The following STK32B variants were observed in gnomAD, a reference collection of about 807,000 sequenced individuals.
STK32B encodes serine/threonine kinase 32B, also known as serine/threonine-protein kinase 32B.
A neutral mutation model predicts 52.6 loss-of-function variants in STK32B; 43 were observed. The observed-to-expected ratio is 0.82, with a 90% CI of 0.64 to 1.05. The LOEUF is 1.05. Ranked by LOEUF, STK32B falls within the 50% of genes least tolerant of loss-of-function variation. The pLI is 0.00. For missense variants in STK32B, 621 were observed against 534.6 expected (o/e 1.16, Z -1.59); for synonymous variants, 238 against 204.3 (o/e 1.17, Z -1.41).
intron 3 of STK32B, among the ~76,000 whole-genome samples, chr4:5,312,411 A>G (rs1399453061): frequency 4.0e-5 from 6 of 151,094 alleles, no homozygotes; most frequent in East Asian, 3.9e-4. Context: ...AGCATTAGGT[A>G]TATCTCCTAA....
intron 6 of STK32B, among the ~76,000 whole-genome samples, chr4:5,430,547 G>A (rs1308242824): frequency 1.3e-5 from 2 of 152,126 alleles, no homozygotes; most frequent in African/African-American, 2.4e-5. Context: ...TCATATCTGA[G>A]TATGATTCTG....
chr4:5,454,006 A>G (rs1220206225), intron 7 of STK32B, among the ~76,000 whole-genome samples: 1 of 152,064 alleles, frequency 6.6e-6, no homozygotes, highest in Non-Finnish European at 1.5e-5. Flanking sequence ...AATTATAGAG[A>G]ACTGCCCTTC....
At chr4:5,446,612 A>G (rs1198616009) in intron 6 of STK32B, 61 bp from the exon 7 acceptor site, 4 of 1,432,466 alleles carry the variant, frequency 2.8e-6, no homozygotes, top group Non-Finnish European at 2.9e-6. Context: ...TCCCCTCTCT[A>G]AGGGGTGGTG....
chr4:5,361,589 T>TCCTG (rs1734553673), intron 4 of STK32B, among the ~76,000 whole-genome samples: 1 of 152,210 alleles, frequency 6.6e-6, no homozygotes, highest in South Asian at 2.1e-4. Context: ...GGTCTCAAAC[T>TCCTG]CCTGGGCTGA....
At chr4:5,363,004 A>G (rs112264034) in intron 4 of STK32B, among the ~76,000 whole-genome samples, 2 of 152,212 alleles carry the variant, frequency 1.3e-5, no homozygotes, top group Admixed American at 6.5e-5. Context: ...CAGGAAACAC[A>G]TTGGAGATCT....
chr4:5,466,507 T>G (rs1717445513), intron 9 of STK32B, among the ~76,000 whole-genome samples, 196 bp from the exon 10 acceptor site: 1 of 152,100 alleles, frequency 6.6e-6, no homozygotes, highest in Non-Finnish European at 1.5e-5. Flanking sequence ...GGGGACTATG[T>G]GTAAATATAT....
At chr4:5,480,251 A>G (rs991966854) in intron 11 of STK32B, among the ~76,000 whole-genome samples, 1 of 152,236 alleles carries the variant, frequency 6.6e-6, no homozygotes, top group Non-Finnish European at 1.5e-5. Flanking sequence ...AAATATTTCA[A>G]GAGGTTTATT....
At chr4:5,452,642 G>A (rs1349204076) in intron 7 of STK32B, among the ~76,000 whole-genome samples, 2 of 152,032 alleles carry the variant, frequency 1.3e-5, no homozygotes, top group African/African-American at 4.8e-5. Flanking sequence ...CTGTGTTTGG[G>A]ATTTTGAGTA....
intron 11 of STK32B, among the ~76,000 whole-genome samples, chr4:5,490,467 G>A (rs1244020366): frequency 2.6e-5 from 4 of 152,124 alleles, no homozygotes; most frequent in African/African-American, 9.7e-5. Flanking sequence ...TGACTAGGTT[G>A]CCAATATACT....
chr4:5,242,954 A>G (rs1725148687), intron 3 of STK32B, among the ~76,000 whole-genome samples: 1 of 152,154 alleles, frequency 6.6e-6, no homozygotes, highest in Non-Finnish European at 1.5e-5. Context: ...TTTTGGTACC[A>G]GTTGCATTCT....
intron 1 of STK32B, among the ~76,000 whole-genome samples, chr4:5,074,025 A>G (rs1711930814): frequency 6.6e-6 from 1 of 151,880 alleles, no homozygotes; most frequent in African/African-American, 2.4e-5. Flanking sequence ...ACTTTCAGCC[A>G]ATATTTTTTC....
At chr4:5,321,059 C>G (rs7688953) in intron 3 of STK32B, among the ~76,000 whole-genome samples, 13,580 of 152,050 alleles carry the variant, frequency 0.089, 1,483 homozygotes, top group African/African-American at 0.26. Flanking sequence ...TACAAAAGGG[C>G]TTTGAAGATG....
intron 3 of STK32B, among the ~76,000 whole-genome samples, chr4:5,203,794 G>A (rs1722342206): frequency 6.6e-6 from 1 of 152,100 alleles, no homozygotes; most frequent in South Asian, 2.1e-4. Flanking sequence ...GCTTCGTTAT[G>A]CTTCACCTCC....
chr4:5,275,939 C>G (rs1727791922), intron 3 of STK32B, among the ~76,000 whole-genome samples: 3 of 152,056 alleles, frequency 2.0e-5, no homozygotes, highest in African/African-American at 7.2e-5. Flanking sequence ...AGTAGAGACC[C>G]CAAGTCATCT....
chr4:5,445,486 C>CCTA (rs1209903971), intron 6 of STK32B, among the ~76,000 whole-genome samples: 2 of 151,958 alleles, frequency 1.3e-5, no homozygotes, highest in Non-Finnish European at 2.9e-5. Flanking sequence ...ACAATTAGAC[C>CCTA]CTACAATGCA....
intron 1 of STK32B, among the ~76,000 whole-genome samples, chr4:5,101,456 G>A (rs923217337): frequency 6.6e-6 from 1 of 152,172 alleles, no homozygotes; most frequent in African/African-American, 2.4e-5. Flanking sequence ...CTGAAGAAAA[G>A]GCATTTGGCT....
chr4:5,242,831 G>C (rs888821599), intron 3 of STK32B, among the ~76,000 whole-genome samples: 3 of 152,174 alleles, frequency 2.0e-5, no homozygotes, highest in South Asian at 2.1e-4. Flanking sequence ...TTATTAAATA[G>C]AGAATCCTTT....
At chr4:5,275,872 T>C (rs1252393322) in intron 3 of STK32B, among the ~76,000 whole-genome samples, 1 of 152,056 alleles carries the variant, frequency 6.6e-6, no homozygotes, top group Non-Finnish European at 1.5e-5. Flanking sequence ...ATTTGTAGTA[T>C]TTTAAACAGA....
intron 3 of STK32B, among the ~76,000 whole-genome samples, chr4:5,236,429 C>T (rs1187946915): frequency 6.6e-6 from 1 of 152,160 alleles, no homozygotes; most frequent in Non-Finnish European, 1.5e-5. Context: ...ACATTGAACA[C>T]ACTCATGCCC....
Sources: allele counts gnomAD v4.1 joint callset (sites outside exome capture counted in the v4.1 genomes callset), GRCh38; gene constraint gnomAD v4.1.1; transcripts MANE v1.5; gene names NCBI Gene and HGNC (gene_info 2026-07-23, HGNC 2026-07-21).